RAD51AP2: variants seen among roughly 807,000 people sequenced by gnomAD.
RAD51AP2 encodes the protein RAD51-associated protein 2.
Under a neutral mutation model 85.5 loss-of-function variants are expected in RAD51AP2, and 67 were observed. The observed-to-expected ratio is 0.78, with a 90% CI of 0.64 to 0.96. The LOEUF (loss-of-function observed/expected upper bound fraction) is 0.96. Among genes scored for constraint, RAD51AP2 ranks in the 40% least tolerant of loss-of-function variants. The pLI is 0.00. For synonymous variants in RAD51AP2, 474 were observed against 446.5 expected, an observed-to-expected ratio of 1.06 and a Z score of -0.78; for missense variants, 1,307 against 1,332.4, an observed-to-expected ratio of 0.98 and a Z score of 0.30.
chr2:17,517,272 C>G lies in RAD51AP2; in HGVS notation c.1144G>C (p.Asp382His). The G allele has an allele frequency of 1.2e-6, 2 of 1,613,954 alleles. No individual in the cohort carries two copies. Among genetic ancestry groups the G allele is most frequent in the Non-Finnish European group, 1.7e-6 (2 of 1,179,902 alleles). ...NANWEEAECL[D>H]SYVLTRLEKS... ...TCCAGCCTGGTAAGTACGTAACTGT[C>G]CAGACATTCTGCTTCCTCCCAATTT... Residue 382 changes from aspartate to histidine, a missense_variant, in exon 1 of 3, where the codon GAC (aspartate) becomes CAC (histidine). Transcript: ENST00000399080.
At chr2:17,520,288 A>C (rs1662828748), upstream of RAD51AP2, among the ~76,000 whole-genome samples, 1 of 152,136 alleles carries the variant, frequency 6.6e-6, no homozygotes, top group Admixed American at 6.6e-5. Flanking sequence ...TATTGAAACC[A>C]CTATTTATGT....
In RAD51AP2 at chr2:17,513,995, A is replaced by G. The variant is rs748461373; in HGVS notation, c.3328+17T>C. 8 of 1,336,048 alleles carry G rather than the reference A, an allele frequency of 6.0e-6. No individual in the cohort carries two copies. In the East Asian group the frequency reaches 1.2e-4, roughly 19 times the overall value. 82.8% of individuals were successfully genotyped at this position (1,336,048 alleles called of 1,614,324 possible). On this transcript the variant is annotated intron_variant, in intron 2 of 2. Transcript: ENST00000399080. The stretch of plus-strand genomic sequence containing the variant: ...AATCATCTTAGAAGTTATCCTAAAA[A>G]GTAACCACAATGTTACCTCCTCTCA...
chr2:17,528,924 A>G, the RAD51AP2 span, among the ~76,000 whole-genome samples: 1 of 152,194 alleles, frequency 6.6e-6, no homozygotes, highest in Non-Finnish European at 1.5e-5. Context: ...AAGAAAGAAT[A>G]TAAACATATT....
chr2:17,518,118 A>C lies in RAD51AP2; in HGVS notation c.298T>G (p.Cys100Gly). ...TTGAGATTTGAGCATTTCAGATTACATATCTGCTTCCCACTGACTGATTTC... is the reference window on the plus strand; with the variant it reads ...TTGAGATTTGAGCATTTCAGATTACCTATCTGCTTCCCACTGACTGATTTC... ...VEKSVSGKQI[C>G]NLKCSNLKFQ... The change falls in exon 1 of 3, where the codon TGT (cysteine) becomes GGT (glycine). Residue 100 changes from cysteine to glycine, a missense_variant. Physicochemically the swap from Cys to Gly is radical, Grantham distance 159. This residue lies in a region of RAD51AP2 where 635 missense variants were observed against 643.6 expected (regional missense o/e 0.99). Coordinates refer to ENST00000399080, the MANE Select transcript of RAD51AP2 (RefSeq NM_001099218.3). 6.2e-7 allele frequency: 1 copy of C among 1,614,224 alleles called. No homozygotes were observed. Among genetic ancestry groups the C allele is most frequent in the South Asian group, 1.1e-5 (1 of 91,092 alleles).
chr2:17,531,932 G>A, the RAD51AP2 span, among the ~76,000 whole-genome samples: 1 of 152,214 alleles, frequency 6.6e-6, no homozygotes, highest in Middle Eastern at 3.4e-3. Context: ...ATCAGGGCAT[G>A]AAGGGAACTT....
rs566879909 is a variant in RAD51AP2, at chr2:17,515,317, A to C, written c.3099T>G (p.Asp1033Glu). 15 of 1,613,326 alleles carry C rather than the reference A, an allele frequency of 9.3e-6. No homozygotes were observed. The highest frequency in any genetic ancestry group is 1.3e-5 in the Non-Finnish European group (15 of 1,179,792). ...TGCCCATATTAGGACCTGCTATAGT[A>C]TCATGGAACGAGGAAGATGCACGTA... ...NKIRASSSFH[D>E]TIAGPNMGKS... The change falls in exon 1 of 3, where the codon GAT becomes GAG. Residue 1033 changes from aspartate (D) to glutamate (E), a missense_variant. Physicochemically the swap from Asp to Glu is conservative, Grantham distance 45. Around this residue, in one of 3 missense-constraint regions of RAD51AP2, gnomAD observed 668 missense variants for 671.0 expected, o/e 1.00. Coordinates refer to ENST00000399080, the MANE Select transcript of RAD51AP2 (RefSeq NM_001099218.3).
chr2:17,517,217 C>A lies in RAD51AP2; in HGVS notation c.1199G>T (p.Arg400Ile). 1 of 1,613,762 alleles carries A rather than the reference C, an allele frequency of 6.2e-7. No homozygotes were observed. Among genetic ancestry groups the A allele is most frequent in the South Asian group, 1.1e-5 (1 of 90,980 alleles). ...TCCTCTATTTCTTCTCAAAATATGT[C>A]TAACGTTACAGTCCCAGTTTTGAGA... ...EKSQNWDCNV[R>I]HILRRNRGNC... The change falls in exon 1 of 3, where the codon AGA (arginine) becomes ATA (isoleucine). Residue 400 changes from arginine (R) to isoleucine (I), a missense_variant. By Grantham distance (97) the Arg-to-Ile change is moderately conservative (BLOSUM62 -3). Transcript: ENST00000399080.
chr2:17,532,781 T>A, the RAD51AP2 span, among the ~76,000 whole-genome samples: 4 of 152,230 alleles, frequency 2.6e-5, 1 homozygote, highest in African/African-American at 9.6e-5. Flanking sequence ...GAAAAGTTAT[T>A]AATCAAGTTA....
chr2:17,532,372 A>G, the RAD51AP2 span, among the ~76,000 whole-genome samples: 64 of 152,264 alleles, frequency 4.2e-4, no homozygotes, highest in South Asian at 0.013. Flanking sequence ...TGGCTTGTGC[A>G]TAATTCCAAT....
At position 17,515,152 on chromosome 2, in the gene RAD51AP2, T is replaced by A. The variant is rs539219126; in HGVS notation, c.3247+17A>T. On this transcript the variant is annotated intron_variant, in intron 1 of 2. Transcript: ENST00000399080. ...TTTTCTAGCATGAGAAATAATGTTC[T>A]AAAATGAATTTCATACCTTTCTCAG... 6.5e-7 allele frequency: 1 copy of A among 1,527,146 alleles called. No homozygotes were observed. Among genetic ancestry groups the A allele is most frequent in the African/African-American group, 1.4e-5 (1 of 72,144 alleles). The allele number at this position is 1,527,146 out of a possible 1,614,324, so 94.6% of individuals were successfully genotyped here. A position where few individuals can be genotyped will look rare whatever the true frequency, so the allele number is the denominator to read the frequency against.
Position 17,513,237 on chromosome 2 carries a change from C to CTT in RAD51AP2, c.3328+773_3328+774dup, listed in dbSNP as rs11394351. Among the ~76,000 whole-genome samples, 558 of 111,182 alleles carry CTT rather than the reference C, an allele frequency of 5.0e-3. 14 individuals carry two copies. Among genetic ancestry groups the CTT allele is most frequent in the South Asian group, 0.015 (47 of 3,136 alleles). 72.9% of individuals were successfully genotyped at this position (111,182 alleles called of 152,430 possible). On this transcript the variant is annotated intron_variant, in intron 2 of 2. Coordinates refer to ENST00000399080, the MANE Select transcript of RAD51AP2 (RefSeq NM_001099218.3). ...TTGTTTAATTTTTCTTTAGTGTGTG[C>CTT]TTTTTTTTTTTTTTTTTTTTGACAG...
chr2:17,517,330 G>A lies in RAD51AP2; in HGVS notation c.1086C>T (p.Asp362=). The part of the protein sequence containing the change: ...NCSSIQCNVR[D]SRKNFAILEN... ...CTAGTATAGCGAAATTCTTTCTAGA[G>A]TCTCTTACATTACACTGGATACTAC... The change falls in exon 1 of 3, where the codon GAC becomes GAT. Residue 362 remains aspartate, a synonymous_variant. Coordinates refer to ENST00000399080, the MANE Select transcript of RAD51AP2 (RefSeq NM_001099218.3). 1 of 1,613,878 alleles carries A rather than the reference G, an allele frequency of 6.2e-7. No homozygotes were observed. Among genetic ancestry groups the A allele is most frequent in the Non-Finnish European group, 8.5e-7 (1 of 1,179,918 alleles).
Position 17,515,817 on chromosome 2 carries a change from T to G in RAD51AP2, c.2599A>C (p.Met867Leu), listed in dbSNP as rs372689828. The change falls in exon 1 of 3, where the codon ATG becomes CTG. Residue 867 changes from methionine (M) to leucine (L), a missense_variant. Around this residue, in one of 3 missense-constraint regions of RAD51AP2, gnomAD observed 668 missense variants for 671.0 expected, o/e 1.00. Coordinates refer to ENST00000399080, the MANE Select transcript of RAD51AP2 (RefSeq NM_001099218.3). ...EKEEKDSFFP[M>L]DDMFSVQSVS... ...GACTGTACAGAAAACATGTCATCCA[T>G]TGGAAAAAAACTATCTTTCTCTTCC... 1 of 1,606,248 alleles carries G rather than the reference T, an allele frequency of 6.2e-7. No homozygotes were observed. The highest frequency in any genetic ancestry group is 1.7e-5 in the Admixed American group (1 of 59,272).
the RAD51AP2 span, among the ~76,000 whole-genome samples, chr2:17,528,110 T>C: frequency 6.6e-6 from 1 of 152,212 alleles, no homozygotes; most frequent in Non-Finnish European, 1.5e-5. Flanking sequence ...ATAAACCTCT[T>C]ACCTCTTTCT....
At chr2:17,529,226 C>T in the RAD51AP2 span, among the ~76,000 whole-genome samples, 1 of 151,532 alleles carries the variant, frequency 6.6e-6, no homozygotes, top group East Asian at 1.9e-4. Context: ...TTTACTATAA[C>T]ATCACATTCA....
At chr2:17,532,383 C>G in the RAD51AP2 span, among the ~76,000 whole-genome samples, 8 of 152,092 alleles carry the variant, frequency 5.3e-5, no homozygotes, top group East Asian at 1.5e-3. Context: ...TAATTCCAAT[C>G]TTTGCCCCTG....
chr2:17,513,243 T>TTC (rs1662551047), intron 2 of RAD51AP2, among the ~76,000 whole-genome samples: 1 of 146,830 alleles, frequency 6.8e-6, no homozygotes, highest in Non-Finnish European at 1.5e-5. Context: ...TGTGCTTTTT[T>TTC]TTTTTTTTTT....
At chr2:17,525,364 T>C in the RAD51AP2 span, among the ~76,000 whole-genome samples, 13 of 151,888 alleles carry the variant, frequency 8.6e-5, no homozygotes, top group Admixed American at 3.9e-4. Context: ...AGCAGATATT[T>C]GAAGGGGTCT....
upstream of RAD51AP2, among the ~76,000 whole-genome samples, chr2:17,519,726 T>G (rs1662815942): frequency 6.6e-6 from 1 of 152,034 alleles, no homozygotes; most frequent in African/African-American, 2.4e-5. Context: ...TAAATAAGAA[T>G]GTGGCAGTGG....
Sources: gnomAD v4.1 joint callset for allele counts (sites outside exome capture counted in the v4.1 genomes callset) on GRCh38, gnomAD v4.1.1 for gene constraint, gnomAD v4.1.1 regional missense constraint, MANE v1.5 for transcripts, NCBI Gene and HGNC (gene_info 2026-07-23, HGNC 2026-07-21) for gene names.